NIPA2: variants seen among roughly 807,000 people sequenced by gnomAD.
NIPA2 encodes NIPA magnesium transporter 2, also known as magnesium transporter NIPA2.
NIPA2 carries 11 observed loss-of-function variants against 29.7 expected under a neutral mutation model. That is an observed-to-expected ratio of 0.37 (90% CI 0.23 to 0.61). NIPA2 has a LOEUF of 0.61. Ranked by LOEUF, NIPA2 falls within the 20% of genes least tolerant of loss-of-function variation. The pLI is 0.66. For missense variants in NIPA2, 426 were observed against 437.9 expected (o/e 0.97, Z 0.24); for synonymous variants, 183 against 161.9 (o/e 1.13, Z -0.99).
intron 3 of NIPA2, among the ~76,000 whole-genome samples, chr15:22,849,821 C>G (rs1247235133): frequency 2.0e-5 from 3 of 152,068 alleles, no homozygotes; most frequent in Non-Finnish European, 4.4e-5. Context: ...CTCAGCCTCC[C>G]AAAGTGCTGG....
chr15:22,860,911 C>T (rs893428183), intron 7 of NIPA2, 122 bp downstream of exon 7: 39 of 667,794 alleles, frequency 5.8e-5, no homozygotes, highest in African/African-American at 5.6e-4. Context: ...AACAAATTGT[C>T]GTCATGTTCC....
intron 3 of NIPA2, among the ~76,000 whole-genome samples, chr15:22,848,219 C>A (rs773006364): frequency 6.6e-6 from 1 of 152,026 alleles, no homozygotes; most frequent in Non-Finnish European, 1.5e-5. Context: ...TTTCTCACTC[C>A]CATTTTCGTA....
chr15:22,853,351 C>A, intron 5 of NIPA2, 83 bp downstream of exon 5: 4 of 780,304 alleles, frequency 5.1e-6, no homozygotes, highest in Non-Finnish European at 8.3e-6. Context: ...TCATTACTAG[C>A]AAGTTTTAAA....
At chr15:22,843,615 C>A (rs1897758190) in intron 2 of NIPA2, among the ~76,000 whole-genome samples, 1 of 151,260 alleles carries the variant, frequency 6.6e-6, no homozygotes, top group African/African-American at 2.4e-5. Flanking sequence ...AAGTTTAAGG[C>A]TGTCTATGCA....
At chr15:22,858,158 C>A (rs945784430) in intron 5 of NIPA2, among the ~76,000 whole-genome samples, 2 of 152,142 alleles carry the variant, frequency 1.3e-5, no homozygotes, top group African/African-American at 4.8e-5. Flanking sequence ...CTTTGGGAGG[C>A]CGAGGCGGGC....
At position 22,838,702 on chromosome 15, in the gene NIPA2, G is replaced by T. The variant is rs1566803041; in HGVS notation, c.-571G>T. The T allele has an allele frequency of 6.6e-6, 1 of 152,526 alleles. No individual in the cohort carries two copies. The highest frequency in any genetic ancestry group is 1.5e-5 in the Non-Finnish European group (1 of 68,112). 9.4% of individuals were successfully genotyped at this position (152,526 alleles called of 1,614,324 possible). A position where few individuals can be genotyped will look rare whatever the true frequency, so the allele number is the denominator to read the frequency against. On this transcript the variant is annotated 5_prime_UTR_variant, in exon 1 of 8. Transcript: ENST00000337451. The stretch of plus-strand genomic sequence containing the variant: ...CTAGGTCCCGGCAGCGGTGGTGACG[G>T]CGGTGCCGGAGGTTGTCCTTGGCAG...
At chr15:22,850,111 A>T (rs890325040) in intron 3 of NIPA2, among the ~76,000 whole-genome samples, 1 of 152,072 alleles carries the variant, frequency 6.6e-6, no homozygotes, top group African/African-American at 2.4e-5. Context: ...GTTTTTCAAA[A>T]ATCAGGGTGG....
At chr15:22,857,612 G>C (rs985472951) in intron 5 of NIPA2, among the ~76,000 whole-genome samples, 1 of 151,270 alleles carries the variant, frequency 6.6e-6, no homozygotes, top group Admixed American at 6.6e-5. Flanking sequence ...TGAGGTGGGT[G>C]GATCATTTGA....
chr15:22,847,134 G>A (rs1898971643), intron 3 of NIPA2, among the ~76,000 whole-genome samples: 3 of 151,830 alleles, frequency 2.0e-5, no homozygotes, highest in African/African-American at 4.8e-5. Context: ...TCGAACTCCC[G>A]ACCTCAGGTG....
rs564117031 is a variant in NIPA2 at position 22,858,305 on chromosome 15, A to T, written c.197-235A>T. 2.2e-4 allele frequency among the ~76,000 whole-genome samples: 33 copies of T among 152,246 alleles called. 1 individual carries two copies. The highest frequency in any genetic ancestry group is 3.4e-3 in the Middle Eastern group (1 of 294). On this transcript the variant is annotated intron_variant, in intron 5 of 7. Transcript: ENST00000337451. ...GCTACTTGGGAGGCTGAGGCAGGAG[A>T]ATGGCGTGAACCCGGGAGGCGGAGC...
rs1896193538 is a variant in NIPA2 at position 22,838,692 on chromosome 15, G to T, written c.-581G>T. On this transcript the variant is annotated 5_prime_UTR_variant, in exon 1 of 8. Transcript: ENST00000337451. ...GGCGCCGGCCCTAGGTCCCGGCAGC[G>T]GTGGTGACGGCGGTGCCGGAGGTTG... 1 of 152,520 alleles carries T rather than the reference G, an allele frequency of 6.6e-6. No homozygotes were observed. Among genetic ancestry groups the T allele is most frequent in the South Asian group, 2.1e-4 (1 of 4,838 alleles). 9.4% of individuals were successfully genotyped at this position (152,520 alleles called of 1,614,324 possible).
intron 2 of NIPA2, among the ~76,000 whole-genome samples, chr15:22,842,689 C>T (rs1897405536): frequency 6.6e-6 from 1 of 152,036 alleles, no homozygotes; most frequent in South Asian, 2.1e-4. Flanking sequence ...ATTAGCTGGG[C>T]GTGGTTGCAG....
chr15:22,857,588 G>C (rs1250813147), intron 5 of NIPA2, among the ~76,000 whole-genome samples: 1 of 151,902 alleles, frequency 6.6e-6, no homozygotes, highest in African/African-American at 2.4e-5. Context: ...TATAATCCCA[G>C]CACTTTGGGA....
intron 3 of NIPA2, among the ~76,000 whole-genome samples, chr15:22,848,642 A>G (rs2057461934): frequency 2.0e-5 from 3 of 151,626 alleles, no homozygotes; most frequent in Admixed American, 2.0e-4. Flanking sequence ...CCTGGCCAAC[A>G]TAGTGAAACT....
At position 22,854,275 on chromosome 15, in the gene NIPA2, C is replaced by T. The variant is rs142251914; in HGVS notation, c.196+1007C>T. ...CCTGAGTAGCTGGACTACAGGTGTG[C>T]GCCACCAAGCCCAGCTAATTTTTGT... On this transcript the variant is annotated intron_variant, in intron 5 of 7. Transcript: ENST00000337451. Among the ~76,000 whole-genome samples, 573 of 151,772 alleles carry T rather than the reference C, an allele frequency of 3.8e-3. 3 individuals are homozygous for T. Among genetic ancestry groups the T allele is most frequent in the African/African-American group, 0.013 (527 of 41,446 alleles).
intron 4 of NIPA2, among the ~76,000 whole-genome samples, chr15:22,852,558 G>A (rs548802739): frequency 8.3e-4 from 95 of 114,050 alleles, no homozygotes; most frequent in African/African-American, 2.8e-3. Context: ...TTTGAACTTC[G>A]ACATTTTGGC....
Position 22,865,821 on chromosome 15 carries a change from CTT to C in NIPA2, c.449-391_449-390del, listed in dbSNP as rs200587439. ...TTTAGGGAAAACTTGATGAAGAACT[CTT>C]GTTTTTGTGTTTTTTGTTTTTTTTA... On this transcript the variant is annotated intron_variant, in intron 7 of 7. Transcript: ENST00000337451. Among the ~76,000 whole-genome samples the C allele has an allele frequency of 6.5e-3, 984 of 152,178 alleles. 10 individuals are homozygous for C. Among genetic ancestry groups the C allele is most frequent in the African/African-American group, 0.022 (932 of 41,508 alleles).
In NIPA2 at chr15:22,866,727, T is replaced by C. The variant is rs772059866; in HGVS notation, c.963T>C (p.Asn321=). ...VSFRKDEKAM[N]GNLSNMYEVL... ...TTCGAAAAGACGAGAAAGCAATGAA[T>C]GGCAATCTCTCTAATATGTATGAAG... is the stretch of plus-strand genomic sequence containing the variant. Residue 321 remains asparagine, a synonymous_variant, in exon 8 of 8, where the codon AAT becomes AAC. Transcript: ENST00000337451. 3.1e-6 allele frequency: 5 copies of C among 1,614,118 alleles called. No homozygotes were observed. The Admixed American group carries it at 5.0e-5, about 16-fold the overall frequency.
chr15:22,857,905 T>C (rs192231673), intron 5 of NIPA2, among the ~76,000 whole-genome samples: 9 of 151,580 alleles, frequency 5.9e-5, no homozygotes, highest in African/African-American at 2.2e-4. Flanking sequence ...TACCTTCATG[T>C]CGGCTTCTTC....
Sources: gnomAD v4.1 joint callset for allele counts (sites outside exome capture counted in the v4.1 genomes callset) on GRCh38, gnomAD v4.1.1 for gene constraint, MANE v1.5 for transcripts, NCBI Gene and HGNC (gene_info 2026-07-23, HGNC 2026-07-21) for gene names.